The following LSS variants were observed in gnomAD, a reference collection of about 807,000 sequenced individuals.
LSS encodes the protein 2,3-epoxysqualene-lanosterol cyclase.
Under a neutral mutation model 110.3 loss-of-function variants are expected in LSS, and 90 were observed. The observed-to-expected ratio is 0.82, with a 90% confidence interval of 0.69 to 0.97. The LOEUF (loss-of-function observed/expected upper bound fraction) is 0.97, where lower values mean the gene tolerates loss of function less well. LSS is among the 50% of genes least tolerant of loss of function. The pLI is 0.00. For synonymous variants in LSS, 433 were observed against 400.0 expected (o/e 1.08, Z -0.98); for missense variants, 927 against 990.0 (o/e 0.94, Z 0.85).
chr21:46,216,307 G>C lies in LSS; in HGVS notation c.783+82C>G. 5 of 1,568,880 alleles carry C rather than the reference G, an allele frequency of 3.2e-6. No individual in the cohort carries two copies. Among genetic ancestry groups the C allele is most frequent in the Non-Finnish European group, 4.4e-6 (5 of 1,144,092 alleles). On this transcript the variant is annotated intron_variant, in intron 7 of 21. Transcript: ENST00000397728. The surrounding 1 kb of genome is among the most constrained non-coding windows in gnomAD (Gnocchi z 4.2). Reference sequence around the variant, plus strand: ...CACAGGGCCACCAGGTGAGTGGACAGGTGTGGTTAGATTCCAGAAGCCCCA... The same window carrying C: ...CACAGGGCCACCAGGTGAGTGGACACGTGTGGTTAGATTCCAGAAGCCCCA...
chr21:46,215,532 G>A (rs933724147), intron 8 of LSS, among the ~76,000 whole-genome samples, 153 bp downstream of exon 8: 1 of 152,096 alleles, frequency 6.6e-6, no homozygotes, highest in African/African-American at 2.4e-5. Context: ...TGGTTCTCAG[G>A]GTGGAGGGGC....
At chr21:46,206,561 A>G in intron 16 of LSS, 111 bp downstream of exon 16, 1 of 877,834 alleles carries the variant, frequency 1.1e-6, no homozygotes. Context: ...CTGCCGGTGA[A>G]CCTGGGCCCT....
At chr21:46,191,368 G>C in intron 21 of LSS, 133 bp from the exon 22 acceptor site, 1 of 931,274 alleles carries the variant, frequency 1.1e-6, no homozygotes, top group Non-Finnish European at 1.7e-6. Context: ...TTAAGCAAGA[G>C]CATAGGAAAG....
At position 46,209,707 on chromosome 21, in the gene LSS, C is replaced by A. The variant is rs571117827; in HGVS notation, c.1195-82G>T. ...GCGCTGGTTTCCCGATGGTCCTGGC[C>A]ACATCCTGCCCCAACCGGGGACCAG... On this transcript the variant is annotated intron_variant, in intron 12 of 21. Coordinates refer to ENST00000397728, the MANE Select transcript of LSS (RefSeq NM_002340.6). This position sits in a 1 kb window ranked among gnomAD's most constrained non-coding sequence, Gnocchi z 4.4. 26 of 1,226,458 alleles carry A rather than the reference C, an allele frequency of 2.1e-5. No homozygotes were observed. The Admixed American group carries it at 4.6e-4, about 22-fold the overall frequency. The allele number at this position is 1,226,458 out of a possible 1,614,324, so 76.0% of individuals were successfully genotyped here.
At chr21:46,224,379 G>A (rs2080312469) in intron 3 of LSS, among the ~76,000 whole-genome samples, 3 of 152,162 alleles carry the variant, frequency 2.0e-5, no homozygotes, top group Non-Finnish European at 2.9e-5. Context: ...ATTGGTGGCA[G>A]TGGTCCCCCG....
At position 46,191,124 on chromosome 21, in the gene LSS, C is replaced by T. The variant is rs750670399; in HGVS notation, c.2179G>A (p.Ala727Thr). 11 of 1,614,032 alleles carry T rather than the reference C, an allele frequency of 6.8e-6. No individual in the cohort carries two copies. Among genetic ancestry groups the T allele is most frequent in the Non-Finnish European group, 9.3e-6 (11 of 1,180,032 alleles). ...GRFSQLYPERALAGHP is the reference protein window; with the variant it reads ...GRFSQLYPERTLAGHP ...TGTTCTCAGGGGTGGCCAGCAAGGGCTCTCTCAGGGTACAGCTGGGAGAAG... is the reference window on the plus strand; with the variant it reads ...TGTTCTCAGGGGTGGCCAGCAAGGGTTCTCTCAGGGTACAGCTGGGAGAAG... Residue 727 changes from alanine (A) to threonine (T), a missense_variant, in exon 22 of 22, where the codon GCC (alanine) becomes ACC (threonine). Transcript: ENST00000397728.
At chr21:46,198,829 CAA>C (rs35148484) in intron 17 of LSS, among the ~76,000 whole-genome samples, 26 of 73,446 alleles carry the variant, frequency 3.5e-4, no homozygotes, top group South Asian at 5.6e-4. Context: ...CATCCACATG[CAA>C]AAAAAAAAAA....
chr21:46,192,880 CA>C (rs770655203), intron 20 of LSS: 3 of 445,372 alleles, frequency 6.7e-6, no homozygotes, highest in Admixed American at 2.4e-5. Flanking sequence ...TATGTGTGCA[CA>C]GGTGCCTGTG....
At chr21:46,222,986 C>T (rs1601449817) in intron 3 of LSS, among the ~76,000 whole-genome samples, 2 of 152,340 alleles carry the variant, frequency 1.3e-5, no homozygotes, top group Admixed American at 6.5e-5. Flanking sequence ...CCACGCCTGG[C>T]TCCCATGACC....
Position 46,216,327 on chromosome 21 carries a change from G to A in LSS, c.783+62C>T, listed in dbSNP as rs532327348. ...GGACAGGTGTGGTTAGATTCCAGAA[G>A]CCCCAGGCCCTGTGGGTCCCAGCCC... is the stretch of plus-strand genomic sequence containing the variant. On this transcript the variant is annotated intron_variant, in intron 7 of 21. Coordinates refer to ENST00000397728, the MANE Select transcript of LSS (RefSeq NM_002340.6). The surrounding 1 kb of genome is among the most constrained non-coding windows in gnomAD (Gnocchi z 4.2). 2 of 1,606,148 alleles carry A rather than the reference G, an allele frequency of 1.2e-6. No individual in the cohort carries two copies. Among genetic ancestry groups the A allele is most frequent in the African/African-American group, 1.3e-5 (1 of 74,882 alleles).
intron 3 of LSS, among the ~76,000 whole-genome samples, chr21:46,226,665 G>C (rs1323564195): frequency 6.6e-6 from 1 of 152,208 alleles, no homozygotes; most frequent in Admixed American, 6.5e-5. Context: ...TTGGCCTACA[G>C]TAAACACCAT....
chr21:46,216,073 GCACCTCAAACCT>G lies in LSS; in HGVS notation c.784-292_784-281del, dbSNP rs1434211174. Among the ~76,000 whole-genome samples, 1 of 152,120 alleles carries G rather than the reference GCACCTCAAACCT, an allele frequency of 6.6e-6. No homozygotes were observed. Among genetic ancestry groups the G allele is most frequent in the Admixed American group, 6.5e-5 (1 of 15,278 alleles). Reference sequence around the variant, plus strand: ...CCATGGCAGGCCTGATAAACATCCTGCACCTCAAACCTCGCCTCAGGCCTGCTTCCAGAGGAC... The same window carrying G: ...CCATGGCAGGCCTGATAAACATCCTGCGCCTCAGGCCTGCTTCCAGAGGAC... On this transcript the variant is annotated intron_variant, in intron 7 of 21. Coordinates refer to ENST00000397728, the MANE Select transcript of LSS (RefSeq NM_002340.6). This position sits in a 1 kb window ranked among gnomAD's most constrained non-coding sequence, Gnocchi z 4.2.
In LSS at chr21:46,203,936, A is replaced by G. The variant is rs562670510; in HGVS notation, c.1670+1900T>C. ...AAAACTCATTTATAGCCTCAAATTC[A>G]TATTTCAATAAAAGCCTGAAAATCA... On this transcript the variant is annotated intron_variant, in intron 17 of 21. Transcript: ENST00000397728. Among the ~76,000 whole-genome samples the G allele has an allele frequency of 2.2e-3, 336 of 152,388 alleles. 1 individual carries two copies. Among genetic ancestry groups the G allele is most frequent in the Middle Eastern group, 6.8e-3 (2 of 294 alleles).
At chr21:46,192,041 G>A (rs1405169387) in intron 20 of LSS, 82 bp from the exon 21 acceptor site, 2 of 1,046,428 alleles carry the variant, frequency 1.9e-6, no homozygotes, top group Non-Finnish European at 2.9e-6. Flanking sequence ...CGAGCATAAG[G>A]GCAAACCCTG....
chr21:46,196,407 G>A (rs918563954), intron 17 of LSS, 140 bp from the exon 18 acceptor site: 10 of 685,762 alleles, frequency 1.5e-5, no homozygotes, highest in East Asian at 2.7e-5. Context: ...TACACAGACC[G>A]ATGAGGGTTT....
chr21:46,218,146 C>G (rs1274954477), intron 6 of LSS, among the ~76,000 whole-genome samples: 1 of 146,090 alleles, frequency 6.8e-6, no homozygotes, highest in Non-Finnish European at 1.5e-5. Flanking sequence ...GGGACCCCCC[C>G]AGCCCTGCTG....
At chr21:46,203,546 T>C (rs945756381) in intron 17 of LSS, among the ~76,000 whole-genome samples, 1 of 152,242 alleles carries the variant, frequency 6.6e-6, no homozygotes, top group Non-Finnish European at 1.5e-5. Context: ...AGAACCTGCT[T>C]TACTTTTATT....
At chr21:46,210,135 C>T (rs902262944) in intron 12 of LSS, among the ~76,000 whole-genome samples, 1 of 143,870 alleles carries the variant, frequency 7.0e-6, no homozygotes, top group Non-Finnish European at 1.5e-5. Flanking sequence ...GGCACAATCT[C>T]GGCTCGCTGC....
At chr21:46,195,804 C>T (rs753534519) in intron 18 of LSS, 48 bp from the exon 19 acceptor site, 23 of 1,503,298 alleles carry the variant, frequency 1.5e-5, no homozygotes, top group Middle Eastern at 1.7e-4. Context: ...TGTTCACAGC[C>T]GGTGTGTGAA....
Sources: gnomAD v4.1 joint callset for allele counts (sites outside exome capture counted in the v4.1 genomes callset) on GRCh38, gnomAD v4.1.1 for gene constraint, Gnocchi (gnomAD v3.1) non-coding constraint, MANE v1.5 for transcripts, NCBI Gene and HGNC (gene_info 2026-07-23, HGNC 2026-07-21) for gene names.